ZNF888: variants seen among roughly 807,000 people sequenced by gnomAD.
ZNF888 encodes the protein zinc finger protein 888.
In ZNF888, 5 loss-of-function variants were observed where a neutral mutation model predicts 7.2. That is an observed-to-expected ratio of 0.70 (90% CI 0.36 to 1.46). ZNF888 has a LOEUF of 1.46. Among genes scored for constraint, ZNF888 ranks in the 40% most tolerant of loss-of-function variants. The pLI, the probability that ZNF888 is intolerant of heterozygous loss-of-function variation, is 0.03. For missense variants in ZNF888, 716 were observed against 858.0 expected (o/e 0.83, Z 2.07); for synonymous variants, 240 against 284.3 (o/e 0.84, Z 1.57).
At chr19:52,921,074 A>G (rs1259210017) in intron 1 of ZNF888, among the ~76,000 whole-genome samples, 1 of 152,126 alleles carries the variant, frequency 6.6e-6, no homozygotes, top group African/African-American at 2.4e-5. Flanking sequence ...CATGGGAGAT[A>G]TCTCTGAGCC....
chr19:52,922,874 G>A (rs934241879), intron 1 of ZNF888, among the ~76,000 whole-genome samples: 4 of 151,616 alleles, frequency 2.6e-5, no homozygotes, highest in Non-Finnish European at 5.9e-5. Context: ...CTGCGGAGGG[G>A]AGACTTGGGG....
At chr19:52,922,516 A>G (rs1292412926) in intron 1 of ZNF888, among the ~76,000 whole-genome samples, 1 of 151,736 alleles carries the variant, frequency 6.6e-6, no homozygotes, top group Non-Finnish European at 1.5e-5. Flanking sequence ...CTGTACATCC[A>G]GCTTTTCTCT....
chr19:52,910,740 G>T (rs886936343), intron 4 of ZNF888, among the ~76,000 whole-genome samples: 3 of 152,056 alleles, frequency 2.0e-5, no homozygotes, highest in African/African-American at 7.3e-5. Flanking sequence ...CTTGCTCTTG[G>T]ATTTCTCCCT....
At chr19:52,919,966 G>T (rs2064804224) in intron 1 of ZNF888, among the ~76,000 whole-genome samples, 1 of 53,268 alleles carries the variant, frequency 1.9e-5, no homozygotes. Context: ...TGCCCGGCCA[G>T]CCGCCCCGTC....
intron 1 of ZNF888, among the ~76,000 whole-genome samples, chr19:52,922,309 AC>A (rs758854766): frequency 3.6e-4 from 55 of 150,704 alleles, no homozygotes; most frequent in African/African-American, 8.1e-4. Flanking sequence ...TCCCCGTTAT[AC>A]CCCCCTGGCC....
At position 52,907,348 on chromosome 19, in the gene ZNF888, G is replaced by A. The variant is rs1050512032; in HGVS notation, c.974C>T (p.Pro325Leu). The change falls in exon 5 of 5, where the codon CCT becomes CTT. Residue 325 changes from proline to leucine, a missense_variant. By Grantham distance (98) the Pro-to-Leu change is moderately conservative. Transcript: ENST00000638862. ...VHKTIHTGEK[P>L]YKCNECGKVF... is the part of the protein sequence containing the mutation. ...CTTGCCACATTCATTACACTTGTAA[G>A]GTTTCTCTCCAGTATGAATTGTCTT... 6.2e-7 allele frequency: 1 copy of A among 1,613,666 alleles called. No individual in the cohort carries two copies.
chr19:52,906,828 A>G lies in ZNF888; in HGVS notation c.1494T>C (p.Val498=). 2 of 1,612,952 alleles carry G rather than the reference A, an allele frequency of 1.2e-6. No homozygotes were observed. The highest frequency in any genetic ancestry group is 1.7e-6 in the Non-Finnish European group (2 of 1,179,684). Residue 498 remains valine, a synonymous_variant, in exon 5 of 5, where the codon GTT becomes GTC. Transcript: ENST00000638862. ...AATCACGTCTGAAAGCCTTGTCACA[A>G]ACCTTACATTTGTATGGTTTCTCAC... ...HTGEKPYKCK[V]CDKAFRRDSH...
In ZNF888 at chr19:52,906,109, C is replaced by A; in HGVS notation, c.*56G>T. 6.2e-7 allele frequency: 1 copy of A among 1,611,236 alleles called. No individual in the cohort carries two copies. Among genetic ancestry groups the A allele is most frequent in the South Asian group, 1.1e-5 (1 of 90,960 alleles). On this transcript the variant is annotated 3_prime_UTR_variant, in exon 5 of 5. Coordinates refer to ENST00000638862, the MANE Select transcript of ZNF888 (RefSeq NM_001393938.1). The stretch of plus-strand genomic sequence containing the variant: ...GTAAGATCTCTATTCATTATGGATT[C>A]TTCAATGATTTGCAATGGTTGTAGC...
Position 52,907,043 on chromosome 19 carries a change from C to G in ZNF888, c.1279G>C (p.Val427Leu), listed in dbSNP as rs2064618153. The G allele has an allele frequency of 3.7e-6, 6 of 1,607,324 alleles. No homozygotes were observed. The highest frequency in any genetic ancestry group is 5.1e-6 in the Non-Finnish European group (6 of 1,178,290). Residue 427 changes from valine to leucine, a missense_variant, in exon 5 of 5, where the codon GTT (valine) becomes CTT (leucine). By Grantham distance (32) the Val-to-Leu change is conservative. Around this residue, in one of 2 missense-constraint regions of ZNF888, gnomAD observed 697 missense variants for 803.4 expected, o/e 0.87. Transcript: ENST00000638862. Reference sequence around the variant, plus strand: ...TCTCCAGTATGAATTGTCTTGTGAACTAAGAGGGCTGAATTTTCACCAAAC... The same window carrying G: ...TCTCCAGTATGAATTGTCTTGTGAAGTAAGAGGGCTGAATTTTCACCAAAC... Reference protein sequence around the residue: ...KTFGENSALLVHKTIHTGEKP... With the variant: ...KTFGENSALLLHKTIHTGEKP...
rs1445968696 is a variant in ZNF888 at position 52,912,199 on chromosome 19, C to T, written c.142+2997G>A. Among the ~76,000 whole-genome samples, 9 of 146,846 alleles carry T rather than the reference C, an allele frequency of 6.1e-5. 1 individual carries two copies. Among genetic ancestry groups the T allele is most frequent in the South Asian group, 2.2e-4 (1 of 4,608 alleles). On this transcript the variant is annotated intron_variant, in intron 4 of 4. Transcript: ENST00000638862. ...CAAGATCTCGGCTCACTGCAAGCTC[C>T]GCCTCCCGGGTTAGCGCCATTCTCC... is the stretch of plus-strand genomic sequence containing the variant.
At chr19:52,917,023 A>C (rs973593413) in intron 3 of ZNF888, among the ~76,000 whole-genome samples, 1 of 152,238 alleles carries the variant, frequency 6.6e-6, no homozygotes, top group Admixed American at 6.5e-5. Flanking sequence ...AATCATTTTT[A>C]CCAAAAGCCT....
Position 52,906,630 on chromosome 19 carries a change from G to T in ZNF888, c.1692C>A (p.Ser564Arg). The change falls in exon 5 of 5, where the codon AGC becomes AGA. Residue 564 changes from serine (S) to arginine (R), a missense_variant. Physicochemically the swap from Ser to Arg is moderately radical, Grantham distance 110 (BLOSUM62 -1). Around this residue, in one of 2 missense-constraint regions of ZNF888, gnomAD observed 697 missense variants for 803.4 expected, o/e 0.87. Coordinates refer to ENST00000638862, the MANE Select transcript of ZNF888 (RefSeq NM_001393938.1). ...ECGKSFNHKS[S>R]LAYHHRLHTG... ...TATGAAGTCTATGATGATATGCAAG[G>T]CTTGATTTGTGATTAAAACTTTTGC... is the stretch of plus-strand genomic sequence containing the variant. 1 of 1,613,630 alleles carries T rather than the reference G, an allele frequency of 6.2e-7. No homozygotes were observed. The highest frequency in any genetic ancestry group is 1.1e-5 in the South Asian group (1 of 91,042).
chr19:52,909,280 C>T (rs1191066069), intron 4 of ZNF888, among the ~76,000 whole-genome samples: 1 of 150,534 alleles, frequency 6.6e-6, no homozygotes, highest in East Asian at 2.0e-4. Context: ...TGGAGTCTCG[C>T]TCTGTCACCC....
At position 52,918,239 on chromosome 19, in the gene ZNF888, C is replaced by G. The variant is rs1290716682; in HGVS notation, c.-58-308G>C. ...GTGCGGTGGCTCATGCCTATCATCC[C>G]AGCACTCTCGGAGACCAAGGTAGGT... On this transcript the variant is annotated intron_variant, in intron 2 of 4. Transcript: ENST00000638862. 7.1e-6 allele frequency: 7 copies of G among 984,744 alleles called. No homozygotes were observed. In the African/African-American group the frequency reaches 1.2e-4, roughly 17 times the overall value. 61.0% of individuals were successfully genotyped at this position (984,744 alleles called of 1,614,324 possible). A position where few individuals can be genotyped will look rare whatever the true frequency, so the allele number is the denominator to read the frequency against.
rs1266528420 is a variant in ZNF888 at position 52,905,166 on chromosome 19, T to C, written c.*999A>G. On this transcript the variant is annotated 3_prime_UTR_variant, in exon 5 of 5. Transcript: ENST00000638862. ...TGATTTAGATTCAACACGGTACCCA[T>C]AAAAATGCCTATCAGTTGACATTCC... 1 of 152,180 alleles carries C rather than the reference T, an allele frequency of 6.6e-6. No individual in the cohort carries two copies. The highest frequency in any genetic ancestry group is 2.4e-5 in the African/African-American group (1 of 41,410). The allele number at this position is 152,180 out of a possible 1,614,324, so 9.4% of individuals were successfully genotyped here.
In ZNF888 at chr19:52,916,369, T is replaced by G. The variant is rs552587385; in HGVS notation, c.16-1047A>C. Reference sequence around the variant, plus strand: ...AAGTACAAAATCCATTTTTTAAATGTTCACAAAATAATAAAACCTACACAG... The same window carrying G: ...AAGTACAAAATCCATTTTTTAAATGGTCACAAAATAATAAAACCTACACAG... On this transcript the variant is annotated intron_variant, in intron 3 of 4. Coordinates refer to ENST00000638862, the MANE Select transcript of ZNF888 (RefSeq NM_001393938.1). Among the ~76,000 whole-genome samples, 11 of 151,976 alleles carry G rather than the reference T, an allele frequency of 7.2e-5. No homozygotes were observed. The East Asian group carries it at 1.9e-3, about 27-fold the overall frequency.
At chr19:52,912,834 A>G (rs897510481) in intron 4 of ZNF888, among the ~76,000 whole-genome samples, 1 of 152,162 alleles carries the variant, frequency 6.6e-6, no homozygotes, top group Admixed American at 6.5e-5. Context: ...TAGGCCGGAC[A>G]TGGTGACTCA....
chr19:52,917,576 G>T (rs1052752842), intron 3 of ZNF888, among the ~76,000 whole-genome samples: 1 of 151,862 alleles, frequency 6.6e-6, no homozygotes, highest in Non-Finnish European at 1.5e-5. Flanking sequence ...AATCCCTGCC[G>T]CCCAACACCA....
At chr19:52,921,477 G>A (rs1055874154) in intron 1 of ZNF888, among the ~76,000 whole-genome samples, 15 of 152,214 alleles carry the variant, frequency 9.9e-5, no homozygotes, top group African/African-American at 3.6e-4. Context: ...TTACATGGGG[G>A]CCTGGAAGGG....
Sources: gnomAD v4.1 joint callset for allele counts (sites outside exome capture counted in the v4.1 genomes callset) on GRCh38, gnomAD v4.1.1 for gene constraint, gnomAD v4.1.1 regional missense constraint, MANE v1.5 for transcripts, NCBI Gene and HGNC (gene_info 2026-07-23, HGNC 2026-07-21) for gene names.